CFAP144: variants seen among roughly 807,000 people sequenced by gnomAD.
CFAP144 encodes cilia and flagella associated protein 144, also known as cilia- and flagella-associated protein 144.
chr1:43,145,284 G>T, the CFAP144 span: 1 of 1,549,976 alleles, frequency 6.5e-7, no homozygotes, highest in East Asian at 2.4e-5. Context: ...CACATCTAAT[G>T]TGTTCTCTGG....
At chr1:43,149,609 C>T in the CFAP144 span, among the ~76,000 whole-genome samples, 11 of 152,330 alleles carry the variant, frequency 7.2e-5, no homozygotes, top group African/African-American at 2.4e-4. Flanking sequence ...GCCGTTCAAA[C>T]TCGGTCCATT....
chr1:43,156,278 A>T, the CFAP144 span: 1 of 1,614,052 alleles, frequency 6.2e-7, no homozygotes. Context: ...GTACAAGGCT[A>T]AAACGTGGGG....
chr1:43,155,489 G>C, the CFAP144 span, among the ~76,000 whole-genome samples: 1 of 152,264 alleles, frequency 6.6e-6, no homozygotes. Context: ...AGTTGCAGAG[G>C]GTCTGCAAAT....
chr1:43,148,002 C>G, the CFAP144 span: 1 of 1,614,054 alleles, frequency 6.2e-7, no homozygotes, highest in Non-Finnish European at 8.5e-7. Flanking sequence ...TCCATCAGAA[C>G]CAGATCTTGC....
the CFAP144 span, chr1:43,150,747 T>G: frequency 6.3e-7 from 1 of 1,598,422 alleles, no homozygotes. Context: ...TGAAGCTGTT[T>G]TCTTTTTTTC....
chr1:43,155,085 G>C, the CFAP144 span, among the ~76,000 whole-genome samples: 1 of 152,174 alleles, frequency 6.6e-6, no homozygotes, highest in African/African-American at 2.4e-5. Flanking sequence ...AGAGGAAATG[G>C]AAATCCCAAA....
At chr1:43,144,492 T>G in the CFAP144 span, among the ~76,000 whole-genome samples, 28,337 of 152,084 alleles carry the variant, frequency 0.19, 3,307 homozygotes, top group Middle Eastern at 0.27. Flanking sequence ...TTTCTCTTTC[T>G]CAACCCATGA....
the CFAP144 span, chr1:43,147,820 C>T: frequency 6.6e-7 from 1 of 1,513,534 alleles, no homozygotes; most frequent in South Asian, 1.3e-5. Context: ...GTGAGACCCG[C>T]CCCGACCGGG....
the CFAP144 span, among the ~76,000 whole-genome samples, chr1:43,146,465 G>A: frequency 1.3e-5 from 2 of 152,266 alleles, no homozygotes; most frequent in Admixed American, 6.5e-5. Context: ...AGAAAAAGAT[G>A]TCTTAAATGA....
At chr1:43,154,149 TTCTC>T in the CFAP144 span, among the ~76,000 whole-genome samples, 1 of 142,568 alleles carries the variant, frequency 7.0e-6, no homozygotes, top group South Asian at 2.2e-4. Context: ...TATATATATA[TTCTC>T]TCTTTTTATA....
the CFAP144 span, chr1:43,150,924 C>T: frequency 1.1e-6 from 1 of 924,424 alleles, no homozygotes. Context: ...CATCAGAGTC[C>T]TCTGCTTTGA....
At chr1:43,147,661 G>A in the CFAP144 span, among the ~76,000 whole-genome samples, 3 of 152,254 alleles carry the variant, frequency 2.0e-5, no homozygotes, top group African/African-American at 7.2e-5. Context: ...GCCCTTTCCT[G>A]GCGGTATCCA....
At chr1:43,156,298 T>C in the CFAP144 span, 1 of 1,613,782 alleles carries the variant, frequency 6.2e-7, no homozygotes, top group Non-Finnish European at 8.5e-7. Context: ...GCTTAGGAGA[T>C]GATCACCACA....
chr1:43,152,607 A>G, the CFAP144 span, among the ~76,000 whole-genome samples: 1 of 152,270 alleles, frequency 6.6e-6, no homozygotes, highest in Admixed American at 6.5e-5. Flanking sequence ...TCAGCACTCT[A>G]TGCCCAGCGC....
At chr1:43,156,077 A>G in the CFAP144 span, 4 of 732,690 alleles carry the variant, frequency 5.5e-6, no homozygotes, top group African/African-American at 1.7e-5. Flanking sequence ...ACATGTGGTC[A>G]TCTCCATTCC....
At chr1:43,150,749 CT>C in the CFAP144 span, 2 of 1,599,506 alleles carry the variant, frequency 1.3e-6, no homozygotes, top group Non-Finnish European at 1.7e-6. Flanking sequence ...AAGCTGTTTT[CT>C]TTTTTTCTAG....
the CFAP144 span, chr1:43,152,757 C>T: frequency 6.9e-7 from 1 of 1,445,816 alleles, no homozygotes; most frequent in Non-Finnish European, 9.2e-7. Context: ...AATGTGGACG[C>T]AGGAAAGGGC....
the CFAP144 span, among the ~76,000 whole-genome samples, chr1:43,144,326 A>G: frequency 1.3e-5 from 2 of 152,150 alleles, no homozygotes; most frequent in Non-Finnish European, 2.9e-5. Flanking sequence ...GTGTATGTAC[A>G]TTTCATAATG....
At chr1:43,148,655 G>C in the CFAP144 span, among the ~76,000 whole-genome samples, 1 of 152,118 alleles carries the variant, frequency 6.6e-6, no homozygotes, top group African/African-American at 2.4e-5. Flanking sequence ...CTCAGACCCA[G>C]CAGGAGGAAA....
Sources: gnomAD v4.1 joint callset for allele counts (sites outside exome capture counted in the v4.1 genomes callset) on GRCh38, gnomAD v4.1.1 for gene constraint, MANE v1.5 for transcripts, NCBI Gene and HGNC (gene_info 2026-07-23, HGNC 2026-07-21) for gene names.